ENPP1: variants seen among roughly 807,000 people sequenced by gnomAD.
The protein encoded by ENPP1 is ectonucleotide pyrophosphatase/phosphodiesterase family member 1.
ENPP1 carries 73 observed loss-of-function variants against 122.8 expected under a neutral mutation model. The observed-to-expected ratio is 0.59, with a 90% confidence interval of 0.49 to 0.72. The LOEUF is 0.72. Among genes scored for constraint, ENPP1 ranks in the 30% least tolerant of loss-of-function variants. The pLI, the probability that ENPP1 is intolerant of heterozygous loss-of-function variation, is 0.00. For missense variants in ENPP1, 978 were observed against 1,128.1 expected (o/e 0.87, Z 1.91); for synonymous variants, 367 against 391.6 (o/e 0.94, Z 0.74).
Position 131,869,362 on chromosome 6 carries a change from G to A in ENPP1, c.1278G>A (p.Met426Ile), listed in dbSNP as rs569030016. 1 of 1,613,022 alleles carries A rather than the reference G, an allele frequency of 6.2e-7. No homozygotes were observed. The highest frequency in any genetic ancestry group is 1.7e-5 in the Admixed American group (1 of 59,968). The change falls in exon 13 of 25, where the codon ATG (methionine) becomes ATA (isoleucine). Residue 426 changes from methionine to isoleucine, a missense_variant. Physicochemically the swap from Met to Ile is conservative, Grantham distance 10. Around this residue, in one of 3 missense-constraint regions of ENPP1, gnomAD observed 644 missense variants for 781.5 expected, o/e 0.82. Transcript: ENST00000647893. ...LNLILISDHG[M>I]EQGSCKKYIY... ...GGGATTTTTTTTTTCTCCTAGGCAT[G>A]GAACAAGGCAGTTGTAAGAAATACA...
intron 1 of ENPP1, among the ~76,000 whole-genome samples, chr6:131,835,739 C>A (rs186280109): frequency 3.5e-4 from 53 of 152,058 alleles, no homozygotes; most frequent in African/African-American, 1.1e-3. Flanking sequence ...CCCTGACAGG[C>A]CCAGTGTGTG....
At chr6:131,869,558 G>A (rs1782133695) in intron 13 of ENPP1, 69 bp downstream of exon 13, 8 of 1,521,996 alleles carry the variant, frequency 5.3e-6, no homozygotes, top group Admixed American at 1.7e-5. Flanking sequence ...GCCGGGCACA[G>A]TGGCTCATGC....
chr6:131,892,160 A>G lies in ENPP1; in HGVS notation c.*1649A>G, dbSNP rs916288373. Reference sequence around the variant, plus strand: ...TGCATCTACTGATGGTCTTTTTTCCATTCGGAAACATTTTCCTGTTTCTTG... The same window carrying G: ...TGCATCTACTGATGGTCTTTTTTCCGTTCGGAAACATTTTCCTGTTTCTTG... On this transcript the variant is annotated 3_prime_UTR_variant, in exon 25 of 25. Coordinates refer to ENST00000647893, the MANE Select transcript of ENPP1 (RefSeq NM_006208.3). The G allele has an allele frequency of 6.6e-6, 1 of 151,904 alleles. No individual in the cohort carries two copies. The allele number at this position is 151,904 out of a possible 1,614,324, so 9.4% of individuals were successfully genotyped here. A position where few individuals can be genotyped will look rare whatever the true frequency, so the allele number is the denominator to read the frequency against.
In ENPP1 at chr6:131,858,760, T is replaced by C. The variant is rs1312259942; in HGVS notation, c.795+13T>C. 3.2e-6 allele frequency: 5 copies of C among 1,562,788 alleles called. No individual in the cohort carries two copies. Among genetic ancestry groups the C allele is most frequent in the Non-Finnish European group, 4.4e-6 (5 of 1,133,502 alleles). On this transcript the variant is annotated intron_variant, in intron 7 of 24. Coordinates refer to ENST00000647893, the MANE Select transcript of ENPP1 (RefSeq NM_006208.3). ...CAGCATTGTCACCGTAAGCTCTGCATTTCAACTTCTATCTGTTTGAAGAAG... is the reference window on the plus strand; with the variant it reads ...CAGCATTGTCACCGTAAGCTCTGCACTTCAACTTCTATCTGTTTGAAGAAG...
At position 131,825,483 on chromosome 6, in the gene ENPP1, C is replaced by T. The variant is rs554298363; in HGVS notation, c.240+17208C>T. On this transcript the variant is annotated intron_variant, in intron 1 of 24. Transcript: ENST00000647893. The stretch of plus-strand genomic sequence containing the variant: ...TTTCCTCAATCACTCTTGCCACATC[C>T]GTAGTGCTATGCAATGGCGCACGGC... 1.4e-4 allele frequency among the ~76,000 whole-genome samples: 21 copies of T among 152,236 alleles called. No homozygotes were observed. In the South Asian group the frequency reaches 4.2e-3, roughly 30 times the overall value.
intron 1 of ENPP1, chr6:131,819,712 A>G (rs1781459852): frequency 3.9e-6 from 1 of 259,060 alleles, no homozygotes; most frequent in Admixed American, 5.6e-5. Context: ...ACATTTGTCT[A>G]CTGCTCCAGC....
chr6:131,861,124 A>G (rs1782018139), intron 8 of ENPP1, among the ~76,000 whole-genome samples: 1 of 152,186 alleles, frequency 6.6e-6, no homozygotes, highest in African/African-American at 2.4e-5. Context: ...ACTTTGGACA[A>G]ATCATTCTGT....
chr6:131,884,078 A>G (rs1439688683), intron 22 of ENPP1, among the ~76,000 whole-genome samples: 3 of 152,188 alleles, frequency 2.0e-5, no homozygotes, highest in Non-Finnish European at 2.9e-5. Context: ...TTCCTTATTT[A>G]ACTTTTTGGA....
chr6:131,883,567 G>C, intron 21 of ENPP1, 127 bp from the exon 22 acceptor site: 1 of 605,096 alleles, frequency 1.7e-6, no homozygotes, highest in Non-Finnish European at 3.0e-6. Context: ...CCCTGTACTT[G>C]GGAAAGTTTT....
At chr6:131,813,236 G>T (rs908620804) in intron 1 of ENPP1, among the ~76,000 whole-genome samples, 2 of 152,080 alleles carry the variant, frequency 1.3e-5, no homozygotes, top group Admixed American at 6.5e-5. Context: ...GTGTGTGATG[G>T]CTCATGCCTG....
At chr6:131,840,543 G>A (rs1191720938) in intron 1 of ENPP1, among the ~76,000 whole-genome samples, 1 of 152,122 alleles carries the variant, frequency 6.6e-6, no homozygotes, top group Non-Finnish European at 1.5e-5. Context: ...CTATGCCCTC[G>A]TCACCAATCT....
At chr6:131,817,701 A>G (rs546183027) in intron 1 of ENPP1, among the ~76,000 whole-genome samples, 2 of 141,020 alleles carry the variant, frequency 1.4e-5, no homozygotes, top group Non-Finnish European at 1.6e-5. Context: ...CCCCATGTCT[A>G]TCTCTCTCTC....
At chr6:131,889,598 A>G (rs1473439688) in intron 24 of ENPP1, among the ~76,000 whole-genome samples, 2 of 152,114 alleles carry the variant, frequency 1.3e-5, no homozygotes, top group African/African-American at 4.8e-5. Context: ...GTATACATGT[A>G]CCACATTTTC....
At chr6:131,847,708 A>C in intron 1 of ENPP1, 68 bp from the exon 2 acceptor site, 1 of 1,168,814 alleles carries the variant, frequency 8.6e-7, no homozygotes, top group Non-Finnish European at 1.2e-6. Context: ...ACTATCTCTA[A>C]AAATAAAAAA....
intron 5 of ENPP1, among the ~76,000 whole-genome samples, chr6:131,853,275 A>C (rs1034700204): frequency 5.9e-5 from 9 of 152,152 alleles, no homozygotes; most frequent in African/African-American, 2.2e-4. Context: ...TTTTTAAGGA[A>C]AATTTTCATG....
chr6:131,878,665 C>A, intron 19 of ENPP1, 72 bp downstream of exon 19: 1 of 1,111,998 alleles, frequency 9.0e-7, no homozygotes, highest in Non-Finnish European at 1.4e-6. Context: ...ATGCAGAGAA[C>A]TGGCTTGGGG....
intron 1 of ENPP1, among the ~76,000 whole-genome samples, chr6:131,809,467 C>G (rs937623078): frequency 6.6e-6 from 1 of 152,056 alleles, no homozygotes; most frequent in African/African-American, 2.4e-5. Context: ...GAATAAGTAC[C>G]CCAAGCCACA....
chr6:131,873,215 A>G (rs1387004847), intron 15 of ENPP1, among the ~76,000 whole-genome samples, 165 bp downstream of exon 15: 1 of 152,156 alleles, frequency 6.6e-6, no homozygotes, highest in Non-Finnish European at 1.5e-5. Context: ...TTTGAGTTAG[A>G]TAATTCTTTG....
intron 1 of ENPP1, chr6:131,820,100 C>G (rs961178093): frequency 2.2e-6 from 1 of 461,104 alleles, no homozygotes; most frequent in African/African-American, 2.0e-5. Context: ...ATCTTGCCCC[C>G]CTTCCCTGCT....
Sources: allele counts gnomAD v4.1 joint callset (sites outside exome capture counted in the v4.1 genomes callset), GRCh38; gene constraint gnomAD v4.1.1; regional missense constraint gnomAD v4.1.1; transcripts MANE v1.5; gene names NCBI Gene and HGNC (gene_info 2026-07-23, HGNC 2026-07-21).